COL3A1: variants seen among roughly 807,000 people sequenced by gnomAD.
The protein encoded by COL3A1 is collagen alpha-1(III) chain.
A neutral mutation model predicts 200.9 loss-of-function variants in COL3A1; 46 were observed. The observed-to-expected ratio is 0.23, with a 90% CI of 0.18 to 0.29. The LOEUF is 0.29. COL3A1 is among the 10% of genes least tolerant of loss of function. The probability of loss-of-function intolerance (pLI) is 1.00; values close to 1 mark genes in which losing one functional copy is unlikely to be tolerated. For missense variants in COL3A1, 1,367 were observed against 1,917.6 expected (o/e 0.71, Z 5.36); for synonymous variants, 650 against 628.0 (o/e 1.03, Z -0.52).
intron 26 of COL3A1, 74 bp downstream of exon 26, chr2:188,997,463 A>G (rs1688355143): frequency 6.9e-7 from 1 of 1,448,550 alleles, no homozygotes; most frequent in South Asian, 1.1e-5. Context: ...CAAAAATTAC[A>G]TAATCTCTGA....
chr2:189,006,851 A>C, intron 43 of COL3A1, 86 bp from the exon 44 acceptor site: 1 of 1,311,636 alleles, frequency 7.6e-7, no homozygotes, highest in Non-Finnish European at 1.1e-6. Flanking sequence ...TATTATAATG[A>C]AATTATTTAC....
chr2:188,992,188 C>T lies in COL3A1; in HGVS notation c.956C>T (p.Ala319Val), dbSNP rs754503346. The change falls in exon 14 of 51, where the codon GCT (alanine) becomes GTT (valine). Residue 319 changes from alanine to valine, a missense_variant. Ala to Val is a moderately conservative substitution (Grantham distance 64). Coordinates refer to ENST00000304636, the MANE Select transcript of COL3A1 (RefSeq NM_000090.4). The stretch of plus-strand genomic sequence containing the variant: ...GATGTAAACTTCTCTTTTTAGGGTG[C>T]TCGGGGTAATGACGGTGCTCGAGGC... ...GRPGLPGAAG[A>V]RGNDGARGSD... The T allele has an allele frequency of 5.6e-6, 9 of 1,613,694 alleles. No individual in the cohort carries two copies. In the East Asian group the frequency reaches 2.0e-4, roughly 36 times the overall value.
At position 189,005,457 on chromosome 2, in the gene COL3A1, T is replaced by C. The variant is rs923971552; in HGVS notation, c.3039T>C (p.Asp1013=). 1 of 1,612,144 alleles carries C rather than the reference T, an allele frequency of 6.2e-7. No homozygotes were observed. Among genetic ancestry groups the C allele is most frequent in the Non-Finnish European group, 8.5e-7 (1 of 1,178,232 alleles). The change falls in exon 41 of 51, where the codon GAT becomes GAC. Residue 1013 remains aspartate (D), a splice_region_variant and synonymous_variant. Transcript: ENST00000304636. ...LAGTAGEPGR[D]GNPGSDGLPG... The stretch of plus-strand genomic sequence containing the variant: ...GTACAGCTGGTGAACCTGGAAGAGA[T>C]GTGAGTAGCAGTTTTTATTCAACCA...
rs184765809 is a variant in COL3A1, at chr2:188,991,552, T to A, written c.897+21T>A. 2.5e-6 allele frequency: 4 copies of A among 1,612,030 alleles called. No homozygotes were observed. The East Asian group carries it at 6.7e-5, about 27-fold the overall frequency. On this transcript the variant is annotated intron_variant, in intron 12 of 50. Transcript: ENST00000304636. Reference sequence around the variant, plus strand: ...CCATGGTAATTATGTTTCTTATGTATAATTTTCAGTTTTATTATTAACCTC... The same window carrying A: ...CCATGGTAATTATGTTTCTTATGTAAAATTTTCAGTTTTATTATTAACCTC...
In COL3A1 at chr2:188,991,681, G is replaced by A; in HGVS notation, c.910G>A (p.Ala304Thr). Residue 304 changes from alanine (A) to threonine (T), a missense_variant, in exon 13 of 51, where the codon GCT (alanine) becomes ACT (threonine). Ala to Thr is a moderately conservative substitution (Grantham distance 58). This residue lies in a region of COL3A1 where 462 missense variants were observed against 681.4 expected (regional missense o/e 0.68). Coordinates refer to ENST00000304636, the MANE Select transcript of COL3A1 (RefSeq NM_000090.4). ...TTTTACTCTGTAGGGTCCAAGAGGG[G>A]CTCCTGGTGAGCGAGGACGGCCAGG... ...GAPGPMGPRG[A>T]PGERGRPGLP... The A allele has an allele frequency of 6.2e-7, 1 of 1,613,948 alleles. No homozygotes were observed. Among genetic ancestry groups the A allele is most frequent in the Non-Finnish European group, 8.5e-7 (1 of 1,179,920 alleles).
At chr2:189,000,051 G>A (rs1476061726) in intron 32 of COL3A1, among the ~76,000 whole-genome samples, 156 bp downstream of exon 32, 2 of 152,036 alleles carry the variant, frequency 1.3e-5, no homozygotes, top group East Asian at 3.9e-4. Context: ...GAAATTTGTG[G>A]TCTATATCTA....
chr2:188,996,496 T>A lies in COL3A1; in HGVS notation c.1761T>A (p.Asp587Glu), dbSNP rs1688322682. Reference protein sequence around the residue: ...VMGFPGPKGNDGAPGKNGERG... With the variant: ...VMGFPGPKGNEGAPGKNGERG... ...GCTTCCCCGGTCCTAAAGGAAATGA[T>A]GTGAGTTCCTTCATTAATTTCTTCA... Residue 587 changes from aspartate (D) to glutamate (E), a missense_variant and splice_region_variant, in exon 24 of 51, where the codon GAT (aspartate) becomes GAA (glutamate). Asp to Glu is a conservative substitution (Grantham distance 45, BLOSUM62 2). Around this residue, in one of 5 missense-constraint regions of COL3A1, gnomAD observed 846 missense variants for 1,147.9 expected, o/e 0.74. Transcript: ENST00000304636. 1.2e-6 allele frequency: 2 copies of A among 1,610,542 alleles called. No individual in the cohort carries two copies. The highest frequency in any genetic ancestry group is 1.7e-6 in the Non-Finnish European group (2 of 1,176,984).
intron 48 of COL3A1, 89 bp from the exon 49 acceptor site, chr2:189,010,089 C>T: frequency 3.2e-6 from 4 of 1,253,782 alleles, no homozygotes; most frequent in Non-Finnish European, 4.7e-6. Context: ...TAGCAGTCAA[C>T]ATTATGAATG....
At chr2:189,007,479 A>C (rs763546170) in intron 44 of COL3A1, 21 bp from the exon 45 acceptor site, 4 of 1,592,942 alleles carry the variant, frequency 2.5e-6, no homozygotes, top group Non-Finnish European at 3.4e-6. Context: ...TATGACTTCA[A>C]TTCAAAATAT....
In COL3A1 at chr2:189,010,701, A is replaced by G. The variant is rs778893289; in HGVS notation, c.4065A>G (p.Ala1355=). 2.5e-6 allele frequency: 4 copies of G among 1,614,166 alleles called. No homozygotes were observed. In the South Asian group the frequency reaches 4.4e-5, roughly 18 times the overall value. ...AAGATGTCCTTGATGTGCATCTGGC[A>G]TTCCTTCGACTTCTCTCCAGCCGAG... ...LPEDVLDVHL[A]FLRLLSSRAS... Residue 1355 remains alanine (A), a synonymous_variant, in exon 50 of 51, where the codon GCA becomes GCG. Transcript: ENST00000304636.
chr2:189,004,052 C>T lies in COL3A1; in HGVS notation c.2732C>T (p.Thr911Ile), dbSNP rs757462397. ...GGGCCCCCAGGTCCTGCGGGTAACA[C>T]TGGTGCTCCTGGCAGCCCTGGAGTG... Reference protein sequence around the residue: ...KDGPPGPAGNTGAPGSPGVSG... With the variant: ...KDGPPGPAGNIGAPGSPGVSG... Residue 911 changes from threonine to isoleucine, a missense_variant, in exon 39 of 51, where the codon ACT becomes ATT. Around this residue, in one of 5 missense-constraint regions of COL3A1, gnomAD observed 846 missense variants for 1,147.9 expected, o/e 0.74. Transcript: ENST00000304636. 1.2e-6 allele frequency: 2 copies of T among 1,613,280 alleles called. No homozygotes were observed. The highest frequency in any genetic ancestry group is 1.7e-5 in the Admixed American group (1 of 60,012).
rs794728046 is a variant in COL3A1 at position 188,996,138 on chromosome 2, G to T, written c.1622G>T (p.Ser541Ile). The change falls in exon 23 of 51, where the codon AGT (serine) becomes ATT (isoleucine). Residue 541 changes from serine to isoleucine, a missense_variant. Around this residue, in one of 5 missense-constraint regions of COL3A1, gnomAD observed 462 missense variants for 681.4 expected, o/e 0.68. Transcript: ENST00000304636. ...TCTTTACTTCAGGGCATGCCCGGAA[G>T]TCCAGGAGGACCAGGAAGTGATGGG... ...GGPGMRGMPGSPGGPGSDGKP... is the reference protein window; with the variant it reads ...GGPGMRGMPGIPGGPGSDGKP... 2 of 1,613,658 alleles carry T rather than the reference G, an allele frequency of 1.2e-6. No individual in the cohort carries two copies. The highest frequency in any genetic ancestry group is 1.7e-6 in the Non-Finnish European group (2 of 1,179,866).
intron 3 of COL3A1, among the ~76,000 whole-genome samples, 176 bp downstream of exon 3, chr2:188,985,423 C>T (rs1005720153): frequency 3.0e-4 from 45 of 151,806 alleles, no homozygotes; most frequent in African/African-American, 1.1e-3. Flanking sequence ...TTTCAATTTC[C>T]CAAACTTCAT....
At position 188,996,177 on chromosome 2, in the gene COL3A1, C is replaced by A. The variant is rs1688305869; in HGVS notation, c.1661C>A (p.Pro554His). 6.2e-7 allele frequency: 1 copy of A among 1,612,864 alleles called. No homozygotes were observed. Among genetic ancestry groups the A allele is most frequent in the African/African-American group, 1.3e-5 (1 of 74,636 alleles). The change falls in exon 23 of 51, where the codon CCC becomes CAC. Residue 554 changes from proline to histidine, a missense_variant and splice_region_variant. Around this residue, in one of 5 missense-constraint regions of COL3A1, gnomAD observed 462 missense variants for 681.4 expected, o/e 0.68. Transcript: ENST00000304636. ...GPGSDGKPGPPGSQGESGRPG... is the reference protein window; with the variant it reads ...GPGSDGKPGPHGSQGESGRPG... ...GGAAGTGATGGGAAACCAGGGCCTC[C>A]CGTATGTACATTTTTAAAATCTCAT...
chr2:188,990,936 A>C lies in COL3A1; in HGVS notation c.799-68A>C, dbSNP rs1688174577. On this transcript the variant is annotated intron_variant, in intron 10 of 50. Transcript: ENST00000304636. Reference sequence around the variant, plus strand: ...AAGACCAATTAGAAAAATACCATGTAAACTTTATCAATCATTCTAGATTAT... The same window carrying C: ...AAGACCAATTAGAAAAATACCATGTCAACTTTATCAATCATTCTAGATTAT... 4.0e-6 allele frequency: 6 copies of C among 1,506,424 alleles called. No individual in the cohort carries two copies. The East Asian group carries it at 1.4e-4, about 34-fold the overall frequency. The allele number at this position is 1,506,424 out of a possible 1,614,324, so 93.3% of individuals were successfully genotyped here. A position where few individuals can be genotyped will look rare whatever the true frequency, so the allele number is the denominator to read the frequency against.
At chr2:188,988,242 A>T in intron 6 of COL3A1, 108 bp downstream of exon 6, 1 of 980,664 alleles carries the variant, frequency 1.0e-6, no homozygotes, top group Non-Finnish European at 1.6e-6. Context: ...CCAGTTAACT[A>T]GAGAAATCAT....
At chr2:188,982,771 G>T (rs1050342951) in intron 1 of COL3A1, among the ~76,000 whole-genome samples, 2 of 151,740 alleles carry the variant, frequency 1.3e-5, no homozygotes, top group African/African-American at 4.8e-5. Context: ...AAGTTGATTT[G>T]GAGAAAATTT....
chr2:188,991,450 C>G (rs906520655), intron 11 of COL3A1, 37 bp from the exon 12 acceptor site: 5 of 1,421,424 alleles, frequency 3.5e-6, no homozygotes, highest in Non-Finnish European at 4.9e-6. Context: ...TTTTCTTCCT[C>G]TTTTGTAAAA....
intron 1 of COL3A1, among the ~76,000 whole-genome samples, chr2:188,980,516 G>A (rs1038227095): frequency 1.3e-5 from 2 of 150,236 alleles, no homozygotes; most frequent in African/African-American, 4.8e-5. Context: ...CATTTCTAAG[G>A]AGATTGAAAA....
Sources: gnomAD v4.1 joint callset for allele counts (sites outside exome capture counted in the v4.1 genomes callset) on GRCh38, gnomAD v4.1.1 for gene constraint, gnomAD v4.1.1 regional missense constraint, MANE v1.5 for transcripts, NCBI Gene and HGNC (gene_info 2026-07-23, HGNC 2026-07-21) for gene names.